Variants in TASOR2 observed in about 807,000 individuals in gnomAD.
TASOR2 encodes transcription activation suppressor family member 2.
TASOR2 carries 84 observed loss-of-function variants against 199.5 expected under a neutral mutation model. That is an observed-to-expected ratio of 0.42 (90% CI 0.35 to 0.50). The LOEUF is 0.50. Among genes scored for constraint, TASOR2 ranks in the 20% least tolerant of loss-of-function variants. TASOR2 has a pLI of 0.02. For synonymous variants in TASOR2, 1,103 were observed against 1,046.6 expected (o/e 1.05, Z -1.04); for missense variants, 2,796 against 2,835.9 (o/e 0.99, Z 0.32).
Position 5,762,526 on chromosome 10 carries a change from T to TTTTTTTTTAA in TASOR2, c.7175-6_7175-5insTTTTTTTTAA. ...ACCAAAAGTTGTTTTTTTTTTTTTT[T>TTTTTTTTTAA]AACAGACAAGCCTACTATCCCCAGA... On this transcript the variant is annotated splice_region_variant and splice_polypyrimidine_tract_variant and intron_variant, in intron 19 of 20. Coordinates refer to ENST00000328090, the Ensembl canonical transcript of TASOR2. 1 of 699,660 alleles carries TTTTTTTTTAA rather than the reference T, an allele frequency of 1.4e-6. No individual in the cohort carries two copies. The highest frequency in any genetic ancestry group is 3.2e-5 in the Admixed American group (1 of 31,634). The allele number at this position is 699,660 out of a possible 1,614,324, so 43.3% of individuals were successfully genotyped here.
intron 11 of TASOR2, among the ~76,000 whole-genome samples, chr10:5,731,931 T>C (rs766262621): frequency 6.6e-5 from 10 of 152,214 alleles, no homozygotes; most frequent in Non-Finnish European, 1.3e-4. Context: ...GGGAAATGCC[T>C]GGGACCTCCA....
In TASOR2 at chr10:5,687,778, A is replaced by C. The variant is rs990009150; in HGVS notation, c.-288+2603A>C. ...GGTTGCAGTGAGCCAAGGTTGTGTC[A>C]CTCTACGGCAGCCTGGGTGACAGAG... On this transcript the variant is annotated intron_variant, in intron 1 of 20. Coordinates refer to ENST00000328090, the Ensembl canonical transcript of TASOR2. This position sits in a 1 kb window ranked among gnomAD's most constrained non-coding sequence, Gnocchi z 4.8. Among the ~76,000 whole-genome samples, 5 of 152,248 alleles carry C rather than the reference A, an allele frequency of 3.3e-5. No individual in the cohort carries two copies. Among genetic ancestry groups the C allele is most frequent in the African/African-American group, 1.2e-4 (5 of 41,472 alleles).
chr10:5,761,374 G>A lies in TASOR2; in HGVS notation c.7077G>A (p.Gln2359=). The A allele has an allele frequency of 4.3e-6, 7 of 1,613,978 alleles. No individual in the cohort carries two copies. In the East Asian group the frequency reaches 6.7e-5, roughly 15 times the overall value. Reference sequence around the variant, plus strand: ...TCATTGAATTGCTTCATTATCACCAGTGTGACTCTCGATCATCAACAAAAG... The same window carrying A: ...TCATTGAATTGCTTCATTATCACCAATGTGACTCTCGATCATCAACAAAAG... The change falls in exon 19 of 21, where the codon CAG becomes CAA. Residue 2359 remains glutamine (Q), a synonymous_variant. Coordinates refer to ENST00000328090, the Ensembl canonical transcript of TASOR2.
At chr10:5,692,320 G>T (rs531738443) in intron 1 of TASOR2, among the ~76,000 whole-genome samples, 1 of 152,292 alleles carries the variant, frequency 6.6e-6, no homozygotes, top group African/African-American at 2.4e-5. Flanking sequence ...TCACTGTAGT[G>T]AAAAGAACGT....
At position 5,748,888 on chromosome 10, in the gene TASOR2, C is replaced by G. The variant is rs1256694340; in HGVS notation, c.5467C>G (p.His1823Asp). The change falls in exon 15 of 21, where the codon CAC becomes GAC. Residue 1823 changes from histidine (H) to aspartate (D), a missense_variant. Physicochemically the swap from His to Asp is moderately conservative, Grantham distance 81 (BLOSUM62 -1). Transcript: ENST00000328090. The surrounding 1 kb of genome is among the most constrained non-coding windows in gnomAD (Gnocchi z 5.1). ...AGAGGTCGGTGTGAATTCCGACATGCACTATGAACTCTCTGGAGATTCTGA... is the reference window on the plus strand; with the variant it reads ...AGAGGTCGGTGTGAATTCCGACATGGACTATGAACTCTCTGGAGATTCTGA... 6.2e-7 allele frequency: 1 copy of G among 1,614,012 alleles called. No individual in the cohort carries two copies. Among genetic ancestry groups the G allele is most frequent in the African/African-American group, 1.3e-5 (1 of 74,920 alleles).
At chr10:5,733,648 T>C (rs1367391573) in intron 11 of TASOR2, among the ~76,000 whole-genome samples, 1 of 152,234 alleles carries the variant, frequency 6.6e-6, no homozygotes, top group Non-Finnish European at 1.5e-5. Flanking sequence ...CATTTTTCTT[T>C]TTTCTCCCAA....
chr10:5,712,451 T>G (rs1832047293), intron 1 of TASOR2: 1 of 1,231,580 alleles, frequency 8.1e-7, no homozygotes. Context: ...GTTTCACTCC[T>G]CCATACTTCT....
chr10:5,756,972 A>T (rs1839055919), intron 16 of TASOR2, among the ~76,000 whole-genome samples: 1 of 152,198 alleles, frequency 6.6e-6, no homozygotes, highest in Non-Finnish European at 1.5e-5. Flanking sequence ...AGGTTGCTAA[A>T]TTTTTTCATC....
rs79797290 is a variant in TASOR2, at chr10:5,690,536, G to A, written c.-288+5361G>A. Among the ~76,000 whole-genome samples, 6 of 152,194 alleles carry A rather than the reference G, an allele frequency of 3.9e-5. No individual in the cohort carries two copies. The highest frequency in any genetic ancestry group is 7.2e-5 in the African/African-American group (3 of 41,436). On this transcript the variant is annotated intron_variant, in intron 1 of 20. Transcript: ENST00000328090. This position sits in a 1 kb window ranked among gnomAD's most constrained non-coding sequence, Gnocchi z 4.8. ...GCCCAGGACATTTTGCGTGGGCTAC[G>A]TGTAGAGGTGGTGGCCATACATAGT...
chr10:5,748,278 T>A lies in TASOR2; in HGVS notation c.4857T>A (p.Phe1619Leu). Residue 1619 changes from phenylalanine to leucine, a missense_variant, in exon 15 of 21, where the codon TTT becomes TTA. By Grantham distance (22) the Phe-to-Leu change is conservative. Transcript: ENST00000328090. The surrounding 1 kb of genome is among the most constrained non-coding windows in gnomAD (Gnocchi z 5.1). ...CTAAAAGCAGTCAGAACCATCTCTT[T>A]CCCGGTGATTTGAAAACAGATGAAG... 1 of 1,614,174 alleles carries A rather than the reference T, an allele frequency of 6.2e-7. No homozygotes were observed.
At chr10:5,757,659 A>T in exon 17 of TASOR2, 1 of 1,612,992 alleles carries the variant, frequency 6.2e-7, no homozygotes, top group Non-Finnish European at 8.5e-7. Context: ...AAGATACTAG[A>T]AGCTGTAACA....
chr10:5,693,259 TTG>T (rs1340768101), intron 1 of TASOR2, among the ~76,000 whole-genome samples: 7 of 152,172 alleles, frequency 4.6e-5, no homozygotes, highest in Non-Finnish European at 7.4e-5. Flanking sequence ...ACGGTGCTAG[TTG>T]TGTGTGTGCC....
chr10:5,729,329 C>T (rs576985735), intron 10 of TASOR2, among the ~76,000 whole-genome samples: 1 of 10,252 alleles, frequency 9.8e-5, no homozygotes, highest in South Asian at 5.8e-3. Context: ...GCCTGGGTGA[C>T]AGAGCAAGAC....
rs991077850 is a variant in TASOR2, at chr10:5,701,044, A to T, written c.-287-11779A>T. The stretch of plus-strand genomic sequence containing the variant: ...TGCCTGTGCCTTTGAGGCCTTAAAC[A>T]AAAAAAGTTTGGCCAGACTAGTATC... On this transcript the variant is annotated intron_variant, in intron 1 of 20. Coordinates refer to ENST00000328090, the Ensembl canonical transcript of TASOR2. The surrounding 1 kb of genome is among the most constrained non-coding windows in gnomAD (Gnocchi z 4.9). 6.6e-6 allele frequency among the ~76,000 whole-genome samples: 1 copy of T among 152,014 alleles called. No individual in the cohort carries two copies. The highest frequency in any genetic ancestry group is 1.5e-5 in the Non-Finnish European group (1 of 68,000).
chr10:5,748,896 ACT>A lies in TASOR2; in HGVS notation c.5480_5481del (p.Ser1827TrpfsTer4), dbSNP rs780026962. The A allele has an allele frequency of 1.2e-6, 2 of 1,614,068 alleles. No homozygotes were observed. Among genetic ancestry groups the A allele is most frequent in the Non-Finnish European group, 1.7e-6 (2 of 1,180,008 alleles). ...GTGTGAATTCCGACATGCACTATGA[ACT>A]CTCTGGAGATTCTGATCTAGACCTG... On this transcript the variant is annotated frameshift_variant, in exon 15 of 21. Transcript: ENST00000328090. LOFTEE classifies it high-confidence loss of function. This position sits in a 1 kb window ranked among gnomAD's most constrained non-coding sequence, Gnocchi z 5.1.
In TASOR2 at chr10:5,742,203, C is replaced by T; in HGVS notation, c.2434C>T (p.Arg812Ter). ...TCAGAACAAAATCATACGATCTTCC[C>T]GAAAGGTTGTAGAACACAGCAACCC... The change falls in exon 14 of 21, where the codon CGA (arginine) becomes TGA (stop). Residue 812 changes from arginine (R) to a stop codon, truncating the protein, a stop_gained. Transcript: ENST00000328090. LOFTEE classifies it high-confidence loss of function. The surrounding 1 kb of genome is among the most constrained non-coding windows in gnomAD (Gnocchi z 4.2). 1.9e-6 allele frequency: 3 copies of T among 1,614,062 alleles called. No individual in the cohort carries two copies. The highest frequency in any genetic ancestry group is 2.2e-5 in the East Asian group (1 of 44,872).
rs1400530704 is a variant in TASOR2, at chr10:5,751,302, A to G, written c.6606+1275A>G. ...TCGACTGGTGATTCTTATCTGAATC[A>G]GTTATTACTATGATGATTGCCAAAT... On this transcript the variant is annotated intron_variant, in intron 15 of 20. Coordinates refer to ENST00000328090, the Ensembl canonical transcript of TASOR2. This position sits in a 1 kb window ranked among gnomAD's most constrained non-coding sequence, Gnocchi z 5.3. 6.6e-6 allele frequency among the ~76,000 whole-genome samples: 1 copy of G among 152,194 alleles called. No individual in the cohort carries two copies. The highest frequency in any genetic ancestry group is 1.9e-4 in the East Asian group (1 of 5,200).
Position 5,717,754 on chromosome 10 carries a change from A to T in TASOR2, c.-100+4A>T. The T allele has an allele frequency of 9.1e-7, 1 of 1,097,754 alleles. No individual in the cohort carries two copies. The highest frequency in any genetic ancestry group is 1.2e-6 in the Non-Finnish European group (1 of 865,426). The allele number at this position is 1,097,754 out of a possible 1,614,324, so 68.0% of individuals were successfully genotyped here. A position where few individuals can be genotyped will look rare whatever the true frequency, so the allele number is the denominator to read the frequency against. Reference sequence around the variant, plus strand: ...TGTAATTTTTAATATAATTAAGGTAAAGCTTAAATGTGCTGTTACGTGATT... The same window carrying T: ...TGTAATTTTTAATATAATTAAGGTATAGCTTAAATGTGCTGTTACGTGATT... On this transcript the variant is annotated splice_donor_region_variant and intron_variant, in intron 3 of 20. Coordinates refer to ENST00000328090, the Ensembl canonical transcript of TASOR2.
rs1214687057 is a variant in TASOR2, at chr10:5,730,285, G to A, written c.488-202G>A. 6.6e-6 allele frequency among the ~76,000 whole-genome samples: 1 copy of A among 152,124 alleles called. No individual in the cohort carries two copies. Among genetic ancestry groups the A allele is most frequent in the Non-Finnish European group, 1.5e-5 (1 of 68,016 alleles). ...GATTCTTTTTCAGTTCAGTGTGTGTGTGTATGTAATTTCAAGTATATGGAG... is the reference window on the plus strand; with the variant it reads ...GATTCTTTTTCAGTTCAGTGTGTGTATGTATGTAATTTCAAGTATATGGAG... On this transcript the variant is annotated intron_variant, in intron 10 of 20. Transcript: ENST00000328090. This position sits in a 1 kb window ranked among gnomAD's most constrained non-coding sequence, Gnocchi z 4.1.
Sources: gnomAD v4.1 joint callset for allele counts (sites outside exome capture counted in the v4.1 genomes callset) on GRCh38, gnomAD v4.1.1 for gene constraint, Gnocchi (gnomAD v3.1) non-coding constraint, MANE v1.5 for transcripts, NCBI Gene and HGNC (gene_info 2026-07-23, HGNC 2026-07-21) for gene names.